CLEC12A: variants seen among roughly 807,000 people sequenced by gnomAD.
CLEC12A encodes C-type lectin protein CLL-1.
CLEC12A carries 22 observed loss-of-function variants against 26.5 expected under a neutral mutation model. The observed-to-expected ratio is 0.83, with a 90% confidence interval of 0.59 to 1.19. CLEC12A has a LOEUF of 1.19. Among genes scored for constraint, CLEC12A ranks in the 50% most tolerant of loss-of-function variants. The probability of loss-of-function intolerance (pLI) is 0.00; values close to 1 mark genes in which losing one functional copy is unlikely to be tolerated. For synonymous variants in CLEC12A, 119 were observed against 101.9 expected (o/e 1.17, Z -1.01); for missense variants, 353 against 315.6 (o/e 1.12, Z -0.90).
At chr12:10,001,493 A>C in the CLEC12A span, among the ~76,000 whole-genome samples, 1 of 152,324 alleles carries the variant, frequency 6.6e-6, no homozygotes, top group South Asian at 2.1e-4. Flanking sequence ...TGTGTTCCAC[A>C]AAATATACGT....
intron 1 of CLEC12A, among the ~76,000 whole-genome samples, chr12:9,963,337 GTCC>G (rs1450352569): frequency 1.3e-5 from 2 of 151,568 alleles, no homozygotes; most frequent in African/African-American, 4.8e-5. Context: ...AATATACAGA[GTCC>G]TCCTTTTTCA....
chr12:9,973,966 T>C (rs1314541474), intron 1 of CLEC12A, among the ~76,000 whole-genome samples: 2 of 152,156 alleles, frequency 1.3e-5, no homozygotes, highest in Non-Finnish European at 2.9e-5. Context: ...ATTATTTAAC[T>C]TCTTTGTTTC....
chr12:9,972,711 A>T (rs553965362), intron 1 of CLEC12A, among the ~76,000 whole-genome samples: 1 of 152,292 alleles, frequency 6.6e-6, no homozygotes, highest in African/African-American at 2.4e-5. Context: ...TACATCTTGG[A>T]TCCATTTATG....
chr12:10,005,653 T>C, the CLEC12A span, among the ~76,000 whole-genome samples: 1 of 152,250 alleles, frequency 6.6e-6, no homozygotes, highest in Non-Finnish European at 1.5e-5. Flanking sequence ...TCTGTCTTCA[T>C]AGTGCTTCAT....
chr12:9,956,305 C>A (rs1482881409), intron 1 of CLEC12A, among the ~76,000 whole-genome samples: 1 of 152,148 alleles, frequency 6.6e-6, no homozygotes, highest in African/African-American at 2.4e-5. Context: ...AAAATTATTT[C>A]TTTAATCAAT....
chr12:9,966,601 G>A (rs186408106), upstream of CLEC12A, among the ~76,000 whole-genome samples: 9 of 152,200 alleles, frequency 5.9e-5, no homozygotes, highest in Admixed American at 3.3e-4. Context: ...AAGTTCTTGC[G>A]TGCTGGAGAT....
chr12:9,962,246 G>GT (rs1863842332), intron 1 of CLEC12A, among the ~76,000 whole-genome samples: 3 of 138,556 alleles, frequency 2.2e-5, no homozygotes, highest in Admixed American at 7.2e-5. Flanking sequence ...TGTATAACCG[G>GT]TTTTTTCTTT....
chr12:9,997,323 T>C (rs745864498), downstream of CLEC12A: 55 of 1,552,914 alleles, frequency 3.5e-5, no homozygotes, highest in African/African-American at 2.3e-4. Context: ...ATTAGAACCA[T>C]AGAAATGATG....
the CLEC12A span, among the ~76,000 whole-genome samples, chr12:10,002,581 T>C: frequency 6.6e-6 from 1 of 151,210 alleles, no homozygotes; most frequent in South Asian, 2.1e-4. Context: ...TAGTTGGGAC[T>C]ACAGGCGCCC....
At chr12:9,979,702 A>AG (rs1864476383) in intron 3 of CLEC12A, among the ~76,000 whole-genome samples, 178 bp downstream of exon 3, 1 of 152,214 alleles carries the variant, frequency 6.6e-6, no homozygotes, top group Non-Finnish European at 1.5e-5. Context: ...GAAGAAAAAC[A>AG]GAAAAAGTAG....
At chr12:9,968,929 G>A (rs1864036234), upstream of CLEC12A, among the ~76,000 whole-genome samples, 1 of 152,088 alleles carries the variant, frequency 6.6e-6, no homozygotes, top group African/African-American at 2.4e-5. Flanking sequence ...AGAAGGAAAT[G>A]AAATCCTGTC....
exon 5 of CLEC12A, chr12:9,995,161 C>T: frequency 1.2e-6 from 2 of 1,612,780 alleles, no homozygotes; most frequent in South Asian, 1.1e-5. Context: ...GATAACCGAG[C>T]CATCCTCCCA....
At chr12:9,973,649 T>G (rs1302390831) in intron 1 of CLEC12A, among the ~76,000 whole-genome samples, 1 of 152,080 alleles carries the variant, frequency 6.6e-6, no homozygotes, top group East Asian at 1.9e-4. Flanking sequence ...CACTTTTTTT[T>G]GTTGTTATTT....
In CLEC12A at chr12:9,979,440, A is replaced by G. The variant is rs202019789; in HGVS notation, c.295A>G (p.Ile99Val). 8 of 1,613,250 alleles carry G rather than the reference A, an allele frequency of 5.0e-6. No individual in the cohort carries two copies. The highest frequency in any genetic ancestry group is 5.9e-6 in the Non-Finnish European group (7 of 1,179,456). The change falls in exon 3 of 6, where the codon ATC becomes GTC. Residue 99 changes from isoleucine to valine, a missense_variant. Physicochemically the swap from Ile to Val is conservative, Grantham distance 29. Coordinates refer to ENST00000304361, the MANE Select transcript of CLEC12A (RefSeq NM_138337.6). ...ISLQLMSNMN[I>V]SNKIRNLSTT... ...TCTACAACTGATGAGTAACATGAAT[A>G]TCTCCAACAAGATCAGGAACCTCTC...
chr12:9,967,680 G>T (rs1320957852), upstream of CLEC12A, among the ~76,000 whole-genome samples: 4 of 151,374 alleles, frequency 2.6e-5, no homozygotes, highest in African/African-American at 9.7e-5. Context: ...GGGGTTGGGG[G>T]GTTCTTGCCC....
chr12:9,967,127 C>A (rs187985417), upstream of CLEC12A, among the ~76,000 whole-genome samples: 6 of 151,718 alleles, frequency 4.0e-5, no homozygotes, highest in Admixed American at 6.6e-5. Context: ...GAATTGGGAC[C>A]TAGCTCGGCC....
At chr12:9,981,945 T>A (rs1389887093) in intron 4 of CLEC12A, 75 bp from the exon 5 acceptor site, 1 of 723,854 alleles carries the variant, frequency 1.4e-6, no homozygotes, top group Non-Finnish European at 2.3e-6. Flanking sequence ...CAGCAATTTG[T>A]AAGAAATTAC....
chr12:9,955,441 G>T (rs916074299), intron 1 of CLEC12A, among the ~76,000 whole-genome samples: 1 of 152,120 alleles, frequency 6.6e-6, no homozygotes, highest in Non-Finnish European at 1.5e-5. Flanking sequence ...TATAAAAATG[G>T]TTAACAAGGA....
downstream of CLEC12A, among the ~76,000 whole-genome samples, chr12:9,997,529 A>T (rs921830315): frequency 2.0e-5 from 3 of 152,156 alleles, no homozygotes; most frequent in Non-Finnish European, 4.4e-5. Flanking sequence ...AAATCCCAAC[A>T]TCGATAACAT....
Sources: gnomAD v4.1 joint callset for allele counts (sites outside exome capture counted in the v4.1 genomes callset) on GRCh38, gnomAD v4.1.1 for gene constraint, MANE v1.5 for transcripts, NCBI Gene and HGNC (gene_info 2026-07-23, HGNC 2026-07-21) for gene names.